The following CFAP47 variants were observed in gnomAD, a reference collection of about 807,000 sequenced individuals.
The protein encoded by CFAP47 is cilia- and flagella-associated protein 47.
A neutral mutation model predicts 148.1 loss-of-function variants in CFAP47; 29 were observed. The observed-to-expected ratio is 0.20, with a 90% CI of 0.15 to 0.27. CFAP47 has a LOEUF of 0.27. Ranked by LOEUF, CFAP47 falls within the 10% of genes least tolerant of loss-of-function variation. The probability of loss-of-function intolerance (pLI) is 1.00; values close to 1 mark genes in which losing one functional copy is unlikely to be tolerated. For missense variants in CFAP47, 1,872 were observed against 1,697.5 expected (o/e 1.10, Z -1.81); for synonymous variants, 664 against 577.3 (o/e 1.15, Z -2.15).
At chrX:36,054,444 A>G (rs999115075) in intron 26 of CFAP47, among the ~76,000 whole-genome samples, 1 of 111,679 alleles carries the variant, frequency 9.0e-6, no homozygotes, top group African/African-American at 3.3e-5. Context: ...TAAATTAAAT[A>G]TTTTTTCTGT....
At chrX:36,305,067 T>C (rs1279970258) in intron 54 of CFAP47, among the ~76,000 whole-genome samples, 1 of 112,429 alleles carries the variant, frequency 8.9e-6, no homozygotes, top group South Asian at 3.6e-4. Context: ...ATCTACACTT[T>C]GATTTCTTTA....
At chrX:35,966,777 C>G in intron 9 of CFAP47, 23 bp downstream of exon 9, 1 of 1,007,278 alleles carries the variant, frequency 9.9e-7, no homozygotes, top group Non-Finnish European at 1.3e-6. Flanking sequence ...GTAGTGCCCA[C>G]CTGGCTTTGT....
chrX:36,173,188 GT>G (rs1939611135), intron 39 of CFAP47, among the ~76,000 whole-genome samples: 1 of 110,951 alleles, frequency 9.0e-6, no homozygotes, highest in Non-Finnish European at 1.9e-5. Flanking sequence ...ATTCTTCTCT[GT>G]TTTTTTCTTT....
chrX:36,247,720 A>T (rs1239416894), intron 48 of CFAP47, among the ~76,000 whole-genome samples: 1 of 111,332 alleles, frequency 9.0e-6, no homozygotes, highest in African/African-American at 3.3e-5. Flanking sequence ...AAAATATTTT[A>T]CTCAAAATCT....
chrX:36,319,293 C>A lies in CFAP47; in HGVS notation c.8429C>A (p.Pro2810Gln). The A allele has an allele frequency of 9.5e-7, 1 of 1,048,677 alleles. No homozygotes were observed. The highest frequency in any genetic ancestry group is 1.3e-6 in the Non-Finnish European group (1 of 778,054). The allele number at this position is 1,048,677 out of a possible 1,213,427, so 86.4% of individuals were successfully genotyped here. Residue 2810 changes from proline to glutamine, a missense_variant, in exon 57 of 64, where the codon CCG becomes CAG. Coordinates refer to ENST00000378653, the MANE Select transcript of CFAP47 (RefSeq NM_001304548.2). ...YESSAFRFSSPSEIQGIALPP... is the reference protein window; with the variant it reads ...YESSAFRFSSQSEIQGIALPP... ...AGTTCTGCCTTCAGATTTAGTTCTCCGAGTGAAATACAAGGTACAGGATTT... is the reference window on the plus strand; with the variant it reads ...AGTTCTGCCTTCAGATTTAGTTCTCAGAGTGAAATACAAGGTACAGGATTT...
intron 48 of CFAP47, among the ~76,000 whole-genome samples, chrX:36,246,584 G>A (rs868946251): frequency 6.3e-5 from 7 of 111,228 alleles, no homozygotes; most frequent in Middle Eastern, 4.7e-3. Flanking sequence ...GAATTCACTC[G>A]CTGTCATGAG....
At chrX:35,932,259 TCTTTC>T (rs1487637159) in intron 2 of CFAP47, among the ~76,000 whole-genome samples, 2 of 105,233 alleles carry the variant, frequency 1.9e-5, no homozygotes, top group African/African-American at 7.1e-5. Flanking sequence ...TTTCTTTCTT[TCTTTC>T]TTTTTTTTTT....
intron 46 of CFAP47, among the ~76,000 whole-genome samples, chrX:36,232,301 G>A (rs1366226210): frequency 1.8e-5 from 2 of 111,579 alleles, no homozygotes; most frequent in Admixed American, 9.5e-5. Flanking sequence ...GCCTGTTATC[G>A]GTCTATTCAG....
At chrX:36,144,438 T>C (rs1939196167) in intron 35 of CFAP47, 1 of 765,520 alleles carries the variant, frequency 1.3e-6, no homozygotes, top group African/African-American at 2.3e-5. Context: ...AATTCAATAA[T>C]TGATTTACTA....
chrX:36,024,666 C>T (rs990679868), intron 22 of CFAP47, among the ~76,000 whole-genome samples: 1 of 111,544 alleles, frequency 9.0e-6, no homozygotes, highest in African/African-American at 3.3e-5. Flanking sequence ...GGTTTAAACA[C>T]TCCCTCCATG....
intron 2 of CFAP47, among the ~76,000 whole-genome samples, chrX:35,929,756 C>T (rs1303128710): frequency 9.0e-6 from 1 of 110,890 alleles, no homozygotes; most frequent in Non-Finnish European, 1.9e-5. Context: ...CCCAGCACCT[C>T]GGGAGGCTGA....
chrX:36,085,175 C>T (rs1476098098), intron 29 of CFAP47, 139 bp from the exon 30 acceptor site: 1 of 395,153 alleles, frequency 2.5e-6, no homozygotes, highest in Non-Finnish European at 4.5e-6. Flanking sequence ...AAATGGTAGC[C>T]TAGTGAAGTG....
chrX:36,051,636 AC>A (rs1172394524), intron 26 of CFAP47, among the ~76,000 whole-genome samples: 2 of 111,564 alleles, frequency 1.8e-5, no homozygotes, highest in Non-Finnish European at 3.8e-5. Flanking sequence ...GGTGGAAGGG[AC>A]TTGCCTTATA....
At chrX:36,045,194 T>C (rs1937450321) in intron 25 of CFAP47, among the ~76,000 whole-genome samples, 1 of 111,805 alleles carries the variant, frequency 8.9e-6, no homozygotes, top group Non-Finnish European at 1.9e-5. Flanking sequence ...TATGTGATAT[T>C]AGCTGTTGGT....
chrX:36,236,612 G>A, intron 47 of CFAP47, 74 bp from the exon 48 acceptor site: 1 of 448,001 alleles, frequency 2.2e-6, no homozygotes, highest in Non-Finnish European at 3.9e-6. Flanking sequence ...GACACAAGAA[G>A]AATAAGATAG....
chrX:36,187,813 A>G (rs1244948572), intron 40 of CFAP47, among the ~76,000 whole-genome samples: 4 of 111,824 alleles, frequency 3.6e-5, no homozygotes, highest in African/African-American at 1.3e-4. Context: ...GTTACTCATC[A>G]AAATCAAATG....
intron 21 of CFAP47, among the ~76,000 whole-genome samples, chrX:36,003,979 T>C (rs1275394492): frequency 1.0e-5 from 1 of 95,802 alleles, no homozygotes; most frequent in African/African-American, 4.0e-5. Context: ...TTTTTTTTTT[T>C]TTTTTTTTTT....
chrX:36,125,442 T>A (rs1297937532), intron 33 of CFAP47, among the ~76,000 whole-genome samples: 1 of 111,514 alleles, frequency 9.0e-6, no homozygotes, highest in Non-Finnish European at 1.9e-5. Flanking sequence ...ATAAAATTTT[T>A]ATTATATTTA....
intron 61 of CFAP47, among the ~76,000 whole-genome samples, chrX:36,364,205 T>A (rs1191555801): frequency 1.8e-5 from 2 of 110,713 alleles, no homozygotes; most frequent in Non-Finnish European, 3.8e-5. Context: ...TCTGTGGTCT[T>A]CTCCTGAAGG....
Sources: gnomAD v4.1 joint callset for allele counts (sites outside exome capture counted in the v4.1 genomes callset) on GRCh38, gnomAD v4.1.1 for gene constraint, MANE v1.5 for transcripts, NCBI Gene and HGNC (gene_info 2026-07-23, HGNC 2026-07-21) for gene names.